The following DEUP1 variants were observed in gnomAD, a reference collection of about 807,000 sequenced individuals.
The protein encoded by DEUP1 is coiled-coil domain containing 67.
DEUP1 carries 82 observed loss-of-function variants against 87.4 expected under a neutral mutation model. The ratio of observed to expected loss-of-function variants is 0.94; its 90% CI spans 0.78 to 1.13. DEUP1 has a LOEUF of 1.13. DEUP1 is among the 50% of genes most tolerant of loss of function. The pLI, the probability that DEUP1 is intolerant of heterozygous loss-of-function variation, is 0.00. For missense variants in DEUP1, 663 were observed against 681.5 expected (o/e 0.97, Z 0.30); for synonymous variants, 214 against 222.7 (o/e 0.96, Z 0.35).
intron 7 of DEUP1, among the ~76,000 whole-genome samples, chr11:93,379,719 C>T (rs1405575410): frequency 6.6e-6 from 1 of 151,600 alleles, no homozygotes; most frequent in African/African-American, 2.4e-5. Flanking sequence ...CTTCCTACTC[C>T]GCAAAGATTT....
At chr11:93,403,799 A>G (rs990064192) in intron 11 of DEUP1, among the ~76,000 whole-genome samples, 2 of 151,828 alleles carry the variant, frequency 1.3e-5, no homozygotes, top group African/African-American at 4.8e-5. Flanking sequence ...AAATTTCATA[A>G]TTAGGAAAAA....
At chr11:93,344,189 A>G (rs1944217765) in intron 2 of DEUP1, among the ~76,000 whole-genome samples, 1 of 152,182 alleles carries the variant, frequency 6.6e-6, no homozygotes, top group African/African-American at 2.4e-5. Context: ...AGACGTATCT[A>G]TGAAAGTGGG....
chr11:93,418,213 G>A (rs1322785970), intron 13 of DEUP1, among the ~76,000 whole-genome samples: 1 of 152,032 alleles, frequency 6.6e-6, no homozygotes, highest in Non-Finnish European at 1.5e-5. Context: ...CTTCTGCACA[G>A]CAAAAGAAAC....
intron 5 of DEUP1, among the ~76,000 whole-genome samples, chr11:93,364,668 G>C (rs1180069097): frequency 6.6e-6 from 1 of 151,882 alleles, no homozygotes; most frequent in African/African-American, 2.4e-5. Context: ...TCCCAATGAA[G>C]CCTCATCACA....
At chr11:93,373,624 C>CAT (rs1945865108) in intron 7 of DEUP1, among the ~76,000 whole-genome samples, 39 of 78,880 alleles carry the variant, frequency 4.9e-4, no homozygotes, top group Non-Finnish European at 4.9e-4. Flanking sequence ...TATATATATA[C>CAT]GTATATATAT....
intron 11 of DEUP1, among the ~76,000 whole-genome samples, chr11:93,405,880 G>C (rs1239454200): frequency 6.6e-6 from 1 of 151,808 alleles, no homozygotes; most frequent in Non-Finnish European, 1.5e-5. Context: ...GATATTTGGA[G>C]CTTCGAAAAA....
At chr11:93,355,248 C>A in intron 2 of DEUP1, 123 bp from the exon 3 acceptor site, 1 of 870,914 alleles carries the variant, frequency 1.1e-6, no homozygotes, top group Non-Finnish European at 1.8e-6. Flanking sequence ...TGAACTTATT[C>A]CTATTTAAAT....
intron 12 of DEUP1, among the ~76,000 whole-genome samples, chr11:93,410,608 T>G (rs1400462338): frequency 6.6e-6 from 1 of 152,212 alleles, no homozygotes; most frequent in Non-Finnish European, 1.5e-5. Context: ...TGATCTGTAT[T>G]GAGCACCCAC....
chr11:93,413,444 A>G (rs1947508006), intron 12 of DEUP1, among the ~76,000 whole-genome samples: 1 of 152,058 alleles, frequency 6.6e-6, no homozygotes, highest in African/African-American at 2.4e-5. Context: ...GGGTTTCACC[A>G]TGTTAGCCGA....
intron 2 of DEUP1, among the ~76,000 whole-genome samples, chr11:93,333,375 A>G (rs1033715459): frequency 2.0e-5 from 3 of 152,182 alleles, no homozygotes; most frequent in Admixed American, 2.0e-4. Flanking sequence ...TCCCACCATC[A>G]TAAGTGTGCT....
chr11:93,395,998 C>G (rs1036057440), intron 10 of DEUP1, among the ~76,000 whole-genome samples: 1 of 152,042 alleles, frequency 6.6e-6, no homozygotes, highest in Non-Finnish European at 1.5e-5. Context: ...TAGGACAAAA[C>G]TAAATGAATC....
At chr11:93,375,922 T>C (rs1276478746) in intron 7 of DEUP1, among the ~76,000 whole-genome samples, 1 of 152,150 alleles carries the variant, frequency 6.6e-6, no homozygotes, top group Non-Finnish European at 1.5e-5. Context: ...TCCTGGACTT[T>C]TTTGTTGGCA....
At position 93,332,247 on chromosome 11, in the gene DEUP1, G is replaced by A; in HGVS notation, c.-13G>A. ...AATCAAGAAATATAAACCAGATGTA[G>A]CAGTTTCTTGACATGGAGAACCAAG... is the stretch of plus-strand genomic sequence containing the variant. On this transcript the variant is annotated 5_prime_UTR_variant, in exon 2 of 14. It removes the in-frame stop codon of an upstream open reading frame in the 5' UTR. Coordinates refer to ENST00000298050, the MANE Select transcript of DEUP1 (RefSeq NM_181645.4). The A allele has an allele frequency of 6.2e-7, 1 of 1,605,568 alleles. No individual in the cohort carries two copies. Among genetic ancestry groups the A allele is most frequent in the Non-Finnish European group, 8.5e-7 (1 of 1,174,876 alleles).
intron 2 of DEUP1, among the ~76,000 whole-genome samples, chr11:93,349,388 T>C (rs371726599): frequency 7.1e-6 from 1 of 141,296 alleles, no homozygotes; most frequent in Non-Finnish European, 1.5e-5. Flanking sequence ...TAGATAAGAA[T>C]AAACCCACCT....
chr11:93,418,019 C>G (rs956433732), intron 13 of DEUP1, among the ~76,000 whole-genome samples: 2 of 151,872 alleles, frequency 1.3e-5, no homozygotes, highest in Non-Finnish European at 2.9e-5. Context: ...ATACCTTATA[C>G]AAAAATCAAT....
chr11:93,352,362 C>A (rs1415256330), intron 2 of DEUP1: 1 of 702,384 alleles, frequency 1.4e-6, no homozygotes, highest in African/African-American at 1.7e-5. Context: ...TGGACTTACA[C>A]CAGCTCCCTG....
intron 13 of DEUP1, among the ~76,000 whole-genome samples, chr11:93,416,481 A>C (rs1565346918): frequency 6.6e-6 from 1 of 152,184 alleles, no homozygotes; most frequent in Non-Finnish European, 1.5e-5. Context: ...TAAACCAGGA[A>C]GAAGTTGAAT....
chr11:93,377,795 T>G (rs528429463), intron 7 of DEUP1, among the ~76,000 whole-genome samples: 2 of 152,304 alleles, frequency 1.3e-5, no homozygotes, highest in African/African-American at 4.8e-5. Flanking sequence ...TAATGTTGGC[T>G]TGGTAGTGGT....
chr11:93,379,136 A>G (rs868112835), intron 7 of DEUP1, among the ~76,000 whole-genome samples: 3 of 152,210 alleles, frequency 2.0e-5, no homozygotes, highest in Middle Eastern at 3.4e-3. Flanking sequence ...ATCCCCAAAA[A>G]TAATTCTATT....
Sources: allele counts gnomAD v4.1 joint callset (sites outside exome capture counted in the v4.1 genomes callset), GRCh38; gene constraint gnomAD v4.1.1; transcripts MANE v1.5; gene names NCBI Gene and HGNC (gene_info 2026-07-23, HGNC 2026-07-21).